The following DOCK3 variants were observed in gnomAD, a reference collection of about 807,000 sequenced individuals.
DOCK3 encodes dedicator of cytokinesis protein 3.
In DOCK3, 60 loss-of-function variants were observed where a neutral mutation model predicts 265.6. That is an observed-to-expected ratio of 0.23 (90% CI 0.18 to 0.28). DOCK3 has a LOEUF of 0.28. DOCK3 is among the 10% of genes least tolerant of loss of function. The pLI, the probability that DOCK3 is intolerant of heterozygous loss-of-function variation, is 1.00. For missense variants in DOCK3, 1,981 were observed against 2,594.3 expected, an observed-to-expected ratio of 0.76 and a Z score of 5.14; for synonymous variants, 881 against 938.0, an observed-to-expected ratio of 0.94 and a Z score of 1.11.
At chr3:51,249,310 C>T (rs1187057895) in intron 22 of DOCK3, among the ~76,000 whole-genome samples, 5 of 144,768 alleles carry the variant, frequency 3.5e-5, no homozygotes, top group Non-Finnish European at 7.7e-5. Flanking sequence ...ACCAGCCGCC[C>T]CGTCCGGGAG....
intron 22 of DOCK3, among the ~76,000 whole-genome samples, chr3:51,250,046 T>G (rs2108629141): frequency 6.6e-6 from 1 of 152,070 alleles, no homozygotes; most frequent in East Asian, 1.9e-4. Flanking sequence ...GTGCAAGATG[T>G]GCTTTGTTAA....
intron 5 of DOCK3, among the ~76,000 whole-genome samples, chr3:51,028,647 T>G (rs2079917256): frequency 6.6e-6 from 1 of 152,172 alleles, no homozygotes; most frequent in Non-Finnish European, 1.5e-5. Context: ...TTTGTCTGAG[T>G]GGGTTGACTC....
chr3:51,280,176 A>G lies in DOCK3; in HGVS notation c.2894A>G (p.Asp965Gly). ...GACACCCATTTCCAGCACCTCCTGG[A>G]CAACTTCCAGAGCAAAGATGAACTC... Reference protein sequence around the residue: ...MCDTHFQHLLDNFQSKDELKE... With the variant: ...MCDTHFQHLLGNFQSKDELKE... The change falls in exon 27 of 53, where the codon GAC (aspartate) becomes GGC (glycine). Residue 965 changes from aspartate (D) to glycine (G), a missense_variant. Physicochemically the swap from Asp to Gly is moderately conservative, Grantham distance 94. Coordinates refer to ENST00000266037, the MANE Select transcript of DOCK3 (RefSeq NM_004947.5). 1 of 1,613,820 alleles carries G rather than the reference A, an allele frequency of 6.2e-7. No homozygotes were observed. The highest frequency in any genetic ancestry group is 8.5e-7 in the Non-Finnish European group (1 of 1,179,824).
intron 1 of DOCK3, among the ~76,000 whole-genome samples, chr3:50,753,819 T>C (rs75004759): frequency 1.3e-3 from 202 of 152,302 alleles, no homozygotes; most frequent in African/African-American, 4.8e-3. Context: ...TCAGTTGTAC[T>C]GTTAAATGGA....
intron 1 of DOCK3, among the ~76,000 whole-genome samples, chr3:50,727,586 T>C (rs1207785794): frequency 6.6e-6 from 1 of 152,106 alleles, no homozygotes; most frequent in Non-Finnish European, 1.5e-5. Context: ...TAATCCCAGA[T>C]ACTCGGGAGG....
chr3:51,165,617 C>A (rs1028405829), intron 12 of DOCK3, among the ~76,000 whole-genome samples: 5 of 152,098 alleles, frequency 3.3e-5, no homozygotes, highest in Middle Eastern at 3.2e-3. Flanking sequence ...ATCCTCTAGC[C>A]CCTGGCAACC....
chr3:51,238,178 T>C (rs1292393126), intron 21 of DOCK3, among the ~76,000 whole-genome samples: 2 of 120,964 alleles, frequency 1.7e-5, no homozygotes, highest in Middle Eastern at 4.1e-3. Context: ...AGTCTTGCTC[T>C]GTCACCCAGG....
rs550948899 is a variant in DOCK3 at position 50,784,666 on chromosome 3, T to A, written c.121+5908T>A. 2.0e-5 allele frequency among the ~76,000 whole-genome samples: 3 copies of A among 152,382 alleles called. No homozygotes were observed. In the South Asian group the frequency reaches 6.2e-4, roughly 32 times the overall value. On this transcript the variant is annotated intron_variant, in intron 2 of 52. Coordinates refer to ENST00000266037, the MANE Select transcript of DOCK3 (RefSeq NM_004947.5). ...TGCATGGGATGTGTTTCCATTTGTTTGTGTCATCTATGTTTTCTTTCAGCA... is the reference window on the plus strand; with the variant it reads ...TGCATGGGATGTGTTTCCATTTGTTAGTGTCATCTATGTTTTCTTTCAGCA...
chr3:50,760,527 T>C (rs1349407434), intron 1 of DOCK3, among the ~76,000 whole-genome samples: 1 of 152,208 alleles, frequency 6.6e-6, no homozygotes. Flanking sequence ...TCTTATAAAA[T>C]AGGCTTTGTG....
intron 21 of DOCK3, among the ~76,000 whole-genome samples, chr3:51,242,842 A>T (rs771841121): frequency 6.6e-5 from 10 of 152,300 alleles, no homozygotes; most frequent in East Asian, 3.9e-4. Flanking sequence ...CTGCCAGTAC[A>T]GACACAAGCC....
chr3:51,030,195 A>T (rs1211933126), intron 5 of DOCK3, among the ~76,000 whole-genome samples: 1 of 152,120 alleles, frequency 6.6e-6, no homozygotes, highest in Non-Finnish European at 1.5e-5. Flanking sequence ...TTGCACTCCA[A>T]ACTTGACCAT....
chr3:51,010,650 G>C (rs1041873091), intron 5 of DOCK3, among the ~76,000 whole-genome samples: 1 of 152,156 alleles, frequency 6.6e-6, no homozygotes, highest in Non-Finnish European at 1.5e-5. Flanking sequence ...GTGTGAATTT[G>C]ATCCTGTCAT....
At chr3:51,101,120 T>TA (rs1421845087) in intron 9 of DOCK3, among the ~76,000 whole-genome samples, 4 of 146,770 alleles carry the variant, frequency 2.7e-5, no homozygotes, top group African/African-American at 1.0e-4. Context: ...TTTCTTTTTT[T>TA]TTTTTTTTTT....
chr3:50,942,841 A>G (rs561797468), intron 5 of DOCK3, among the ~76,000 whole-genome samples: 1 of 152,160 alleles, frequency 6.6e-6, no homozygotes, highest in African/African-American at 2.4e-5. Flanking sequence ...CATAGATCAA[A>G]TATTTGTGAT....
At chr3:50,915,652 G>C (rs904652860) in intron 4 of DOCK3, among the ~76,000 whole-genome samples, 2 of 152,018 alleles carry the variant, frequency 1.3e-5, no homozygotes, top group East Asian at 3.9e-4. Context: ...GCTGAGGCCT[G>C]GGGAGAGTGA....
Position 51,090,253 on chromosome 3 carries a change from T to C in DOCK3, c.615T>C (p.His205=). The C allele has an allele frequency of 1.3e-6, 2 of 1,594,928 alleles. No individual in the cohort carries two copies. Among genetic ancestry groups the C allele is most frequent in the Non-Finnish European group, 1.7e-6 (2 of 1,170,176 alleles). The change falls in exon 9 of 53, where the codon CAT becomes CAC. Residue 205 remains histidine, a synonymous_variant. Transcript: ENST00000266037. ...TSQVDTMRPR[H]GETCRMPVPH... is the part of the protein sequence containing the mutation. The stretch of plus-strand genomic sequence containing the variant: ...AGGTAGATACAATGCGCCCACGTCA[T>C]GGGGAAACATGTCGGATGCCAGTGC...
intron 2 of DOCK3, among the ~76,000 whole-genome samples, chr3:50,784,921 C>G (rs1352219963): frequency 6.6e-6 from 1 of 152,158 alleles, no homozygotes; most frequent in Non-Finnish European, 1.5e-5. Context: ...CTTTGGGAAG[C>G]CAAGGCGGGC....
At chr3:51,137,370 A>G (rs927508939) in intron 9 of DOCK3, among the ~76,000 whole-genome samples, 23 of 152,314 alleles carry the variant, frequency 1.5e-4, no homozygotes, top group African/African-American at 5.3e-4. Context: ...TGAGGAACAT[A>G]AAGATTAAAT....
At chr3:51,257,179 G>A (rs570698495) in intron 22 of DOCK3, among the ~76,000 whole-genome samples, 4 of 152,248 alleles carry the variant, frequency 2.6e-5, no homozygotes, top group Middle Eastern at 3.4e-3. Context: ...TCTGTAATAC[G>A]TCCAACACTA....
Sources: gnomAD v4.1 joint callset for allele counts (sites outside exome capture counted in the v4.1 genomes callset) on GRCh38, gnomAD v4.1.1 for gene constraint, MANE v1.5 for transcripts, NCBI Gene and HGNC (gene_info 2026-07-23, HGNC 2026-07-21) for gene names.